Variants in PCDH9 observed in about 807,000 individuals in gnomAD.
PCDH9 encodes the protein protocadherin 9, also known as protocadherin-9.
A neutral mutation model predicts 70.6 loss-of-function variants in PCDH9; 24 were observed. The observed-to-expected ratio is 0.34, with a 90% CI of 0.25 to 0.48. The LOEUF (loss-of-function observed/expected upper bound fraction) is 0.48, where lower values mean the gene tolerates loss of function less well. Ranked by LOEUF, PCDH9 falls within the 20% of genes least tolerant of loss-of-function variation. The pLI, the probability that PCDH9 is intolerant of heterozygous loss-of-function variation, is 0.99. For synonymous variants in PCDH9, 562 were observed against 558.5 expected, an observed-to-expected ratio of 1.01 and a Z score of -0.09; for missense variants, 1,281 against 1,503.6, an observed-to-expected ratio of 0.85 and a Z score of 2.45.
chr13:66,312,312 G>A (rs2138066244), intron 4 of PCDH9, among the ~76,000 whole-genome samples: 1 of 152,236 alleles, frequency 6.6e-6, no homozygotes, highest in East Asian at 1.9e-4. Flanking sequence ...TTTCAGTAAA[G>A]AAAAGCCCAA....
chr13:66,771,394 A>G (rs1048693152), intron 3 of PCDH9, among the ~76,000 whole-genome samples: 1 of 151,984 alleles, frequency 6.6e-6, no homozygotes, highest in African/African-American at 2.4e-5. Flanking sequence ...GTTGTCATTT[A>G]GTCTTTATTT....
intron 4 of PCDH9, among the ~76,000 whole-genome samples, chr13:66,361,407 C>T (rs1956468653): frequency 6.6e-6 from 1 of 151,874 alleles, no homozygotes; most frequent in Admixed American, 6.6e-5. Context: ...CAAATATATC[C>T]ACAATAATAC....
At chr13:66,332,631 A>G (rs1955963818) in intron 4 of PCDH9, among the ~76,000 whole-genome samples, 1 of 151,986 alleles carries the variant, frequency 6.6e-6, no homozygotes, top group Non-Finnish European at 1.5e-5. Context: ...ATGTGCTCTA[A>G]AAGCACTGAG....
chr13:66,520,727 T>G (rs1959953385), intron 4 of PCDH9, among the ~76,000 whole-genome samples: 1 of 152,194 alleles, frequency 6.6e-6, no homozygotes, highest in Non-Finnish European at 1.5e-5. Flanking sequence ...GAACCATAAA[T>G]GGAGTATTTG....
intron 4 of PCDH9, among the ~76,000 whole-genome samples, chr13:66,598,968 G>A (rs915055979): frequency 3.3e-5 from 5 of 151,820 alleles, no homozygotes; most frequent in African/African-American, 1.2e-4. Context: ...GAGAATACTA[G>A]CTTTCCTTAG....
chr13:66,764,637 A>G (rs2079682314), intron 3 of PCDH9, among the ~76,000 whole-genome samples: 1 of 152,038 alleles, frequency 6.6e-6, no homozygotes, highest in Admixed American at 6.6e-5. Flanking sequence ...GTTATTTTCC[A>G]TCCTCTAAAG....
chr13:67,106,517 C>T lies in PCDH9; in HGVS notation c.3036+118888G>A, dbSNP rs190130354. On this transcript the variant is annotated intron_variant, in intron 2 of 4. Coordinates refer to ENST00000377865, the MANE Select transcript of PCDH9 (RefSeq NM_203487.3). ...ATGGTGAAACTTAATTTGGCCCCAC[C>T]ACAATTCTAATTTTAATATGGTATC... Among the ~76,000 whole-genome samples the T allele has an allele frequency of 1.1e-4, 17 of 152,302 alleles. No homozygotes were observed. In the East Asian group the frequency reaches 2.7e-3, roughly 24 times the overall value.
intron 3 of PCDH9, among the ~76,000 whole-genome samples, chr13:66,886,876 T>G (rs1043366990): frequency 6.6e-6 from 1 of 152,106 alleles, no homozygotes; most frequent in Non-Finnish European, 1.5e-5. Flanking sequence ...CTACAATTCA[T>G]GCACTCTGAG....
intron 3 of PCDH9, among the ~76,000 whole-genome samples, chr13:66,843,635 G>C (rs1197555572): frequency 6.6e-6 from 1 of 152,186 alleles, no homozygotes; most frequent in Admixed American, 6.5e-5. Flanking sequence ...TATTTGTTCA[G>C]GGATGGCCTT....
At chr13:66,912,833 C>G (rs1406294005) in intron 2 of PCDH9, among the ~76,000 whole-genome samples, 1 of 151,932 alleles carries the variant, frequency 6.6e-6, no homozygotes, top group African/African-American at 2.4e-5. Flanking sequence ...AATATCCTCA[C>G]TAAGAATTAT....
At chr13:66,462,281 A>G (rs924146063) in intron 4 of PCDH9, among the ~76,000 whole-genome samples, 4 of 151,900 alleles carry the variant, frequency 2.6e-5, no homozygotes, top group Non-Finnish European at 5.9e-5. Flanking sequence ...AGACATAAAG[A>G]AAGCTTACAA....
intron 2 of PCDH9, among the ~76,000 whole-genome samples, chr13:67,118,564 G>A (rs1277228890): frequency 6.6e-6 from 1 of 152,082 alleles, no homozygotes; most frequent in East Asian, 1.9e-4. Context: ...TGAGCTCCCA[G>A]CATTTGTTCT....
intron 3 of PCDH9, among the ~76,000 whole-genome samples, chr13:66,671,832 C>A (rs940879528): frequency 6.6e-6 from 1 of 152,094 alleles, no homozygotes; most frequent in Admixed American, 6.5e-5. Flanking sequence ...AGAAGCAGAG[C>A]ATAACAGTTT....
At chr13:66,624,881 T>C (rs1235937401) in intron 4 of PCDH9, among the ~76,000 whole-genome samples, 2 of 152,236 alleles carry the variant, frequency 1.3e-5, no homozygotes, top group African/African-American at 4.8e-5. Context: ...AAGTATTTCA[T>C]ATATTGATTC....
At chr13:66,995,108 G>A (rs1478188157) in intron 2 of PCDH9, among the ~76,000 whole-genome samples, 1 of 152,038 alleles carries the variant, frequency 6.6e-6, no homozygotes, top group Non-Finnish European at 1.5e-5. Flanking sequence ...ACCCGGAAGG[G>A]TAATGCTAAG....
At chr13:67,074,203 G>C (rs1158102307) in intron 2 of PCDH9, among the ~76,000 whole-genome samples, 1 of 151,996 alleles carries the variant, frequency 6.6e-6, no homozygotes, top group African/African-American at 2.4e-5. Flanking sequence ...TCAAGGTAAT[G>C]GTATTAGGAG....
chr13:66,420,723 A>T (rs1311464943), intron 4 of PCDH9, among the ~76,000 whole-genome samples: 1 of 152,198 alleles, frequency 6.6e-6, no homozygotes, highest in African/African-American at 2.4e-5. Context: ...CATGAAGATG[A>T]GGAAAAACCA....
In PCDH9 at chr13:66,347,398, C is replaced by G. The variant is rs78699758; in HGVS notation, c.3341-42370G>C. The stretch of plus-strand genomic sequence containing the variant: ...ATGTATAAATATTTCAGGCCTTAGG[C>G]TATGGTGGAGACTGCAAATTAGGAA... On this transcript the variant is annotated intron_variant, in intron 4 of 4. Coordinates refer to ENST00000377865, the MANE Select transcript of PCDH9 (RefSeq NM_203487.3). Among the ~76,000 whole-genome samples, 1,009 of 152,112 alleles carry G rather than the reference C, an allele frequency of 6.6e-3. 15 individuals are homozygous for G. Among genetic ancestry groups the G allele is most frequent in the African/African-American group, 0.023 (948 of 41,490 alleles).
intron 4 of PCDH9, among the ~76,000 whole-genome samples, chr13:66,477,115 A>G (rs1958744005): frequency 6.6e-6 from 1 of 152,126 alleles, no homozygotes; most frequent in African/African-American, 2.4e-5. Context: ...TAAGAGACTA[A>G]GCAGTTCAAT....
Sources: allele counts gnomAD v4.1 joint callset (sites outside exome capture counted in the v4.1 genomes callset), GRCh38; gene constraint gnomAD v4.1.1; transcripts MANE v1.5; gene names NCBI Gene and HGNC (gene_info 2026-07-23, HGNC 2026-07-21).